RDH5: variants seen among roughly 807,000 people sequenced by gnomAD.
RDH5 encodes the protein retinol dehydrogenase 5.
RDH5 carries 25 observed loss-of-function variants against 24.0 expected under a neutral mutation model. That is an observed-to-expected ratio of 1.04 (90% confidence interval 0.76 to 1.46). The LOEUF (loss-of-function observed/expected upper bound fraction) is 1.46. Ranked by LOEUF, RDH5 falls within the 40% of genes most tolerant of loss-of-function variation. RDH5 has a pLI of 0.00. For synonymous variants in RDH5, 170 were observed against 175.2 expected (o/e 0.97, Z 0.23); for missense variants, 369 against 410.3 (o/e 0.90, Z 0.87).
rs1303963235 is a variant in RDH5 at position 55,720,513 on chromosome 12, AG to A, written c.-35del. On this transcript the variant is annotated 5_prime_UTR_variant, in exon 1 of 5. Coordinates refer to ENST00000257895, the MANE Select transcript of RDH5 (RefSeq NM_002905.5). ...TGTAGTACCTGCCAGCTTTCGCCACAGGAGGTAAGTGGATACTGGGAGCTGG... is the reference window on the plus strand; with the variant it reads ...TGTAGTACCTGCCAGCTTTCGCCACAGAGGTAAGTGGATACTGGGAGCTGG... The A allele has an allele frequency of 6.6e-6, 1 of 152,470 alleles. No individual in the cohort carries two copies. Among genetic ancestry groups the A allele is most frequent in the African/African-American group, 2.4e-5 (1 of 41,456 alleles). The allele number at this position is 152,470 out of a possible 1,614,324, so 9.4% of individuals were successfully genotyped here.
At position 55,721,429 on chromosome 12, in the gene RDH5, A is replaced by T; in HGVS notation, c.245A>T (p.Asp82Val). 1 of 1,613,568 alleles carries T rather than the reference A, an allele frequency of 6.2e-7. No homozygotes were observed. Among genetic ancestry groups the T allele is most frequent in the Non-Finnish European group, 8.5e-7 (1 of 1,179,988 alleles). The change falls in exon 2 of 5, where the codon GAT (aspartate) becomes GTT (valine). Residue 82 changes from aspartate to valine, a missense_variant. Asp to Val is a radical substitution (Grantham distance 152). Coordinates refer to ENST00000257895, the MANE Select transcript of RDH5 (RefSeq NM_002905.5). The surrounding 1 kb of genome is among the most constrained non-coding windows in gnomAD (Gnocchi z 4.7). ...TCCCGCCTCCACACCACCCTGTTGG[A>T]TATCACTGATCCCCAGAGCGTCCAG... ...ASSRLHTTLL[D>V]ITDPQSVQQA...
Position 55,723,452 on chromosome 12 carries a change from T to C in RDH5, c.570-434T>C, listed in dbSNP as rs116178445. On this transcript the variant is annotated intron_variant, in intron 3 of 4. Transcript: ENST00000257895. ...ATATCCAGCACTCAGGGCTCAACCA[T>C]GTGTTTTGGGAGCAAGGGAATGGGG... 2.7e-3 allele frequency: 689 copies of C among 253,838 alleles called. 7 individuals carry two copies. The highest frequency in any genetic ancestry group is 0.014 in the African/African-American group (624 of 43,514). 15.7% of individuals were successfully genotyped at this position (253,838 alleles called of 1,614,324 possible). A position where few individuals can be genotyped will look rare whatever the true frequency, so the allele number is the denominator to read the frequency against.
intron 3 of RDH5, chr12:55,723,653 C>G: frequency 1.8e-6 from 1 of 553,340 alleles, no homozygotes; most frequent in Non-Finnish European, 3.2e-6. Flanking sequence ...TATTAACTCT[C>G]TGGCCCTTTA....
rs543433718 is a variant in RDH5, at chr12:55,724,365, G to A, written c.777G>A (p.Pro259=). 1.2e-5 allele frequency: 19 copies of A among 1,614,174 alleles called. No homozygotes were observed. Among genetic ancestry groups the A allele is most frequent in the Admixed American group, 8.3e-5 (5 of 60,026 alleles). The change falls in exon 5 of 5, where the codon CCG becomes CCA. Residue 259 remains proline, a synonymous_variant. Coordinates refer to ENST00000257895, the MANE Select transcript of RDH5 (RefSeq NM_002905.5). ...QQRIMNLICD[P]DLTKVSRCLE... ...GCATCATGAACCTGATCTGTGACCC[G>A]GACCTAACCAAGGTGAGCCGATGCC... is the stretch of plus-strand genomic sequence containing the variant.
In RDH5 at chr12:55,724,533, A is replaced by T; in HGVS notation, c.945A>T (p.Gln315His). The T allele has an allele frequency of 1.2e-6, 2 of 1,611,574 alleles. No homozygotes were observed. Among genetic ancestry groups the T allele is most frequent in the Non-Finnish European group, 1.7e-6 (2 of 1,179,988 alleles). ...CCTGGGTCCTTCCCAAGCCTGCCCA[A>T]GCAGTCTACTGAATCCAGCCTTCCA... Reference protein sequence around the residue: ...VLTWVLPKPAQAVY With the variant: ...VLTWVLPKPAHAVY Residue 315 changes from glutamine (Q) to histidine (H), a missense_variant, in exon 5 of 5, where the codon CAA (glutamine) becomes CAT (histidine). Physicochemically the swap from Gln to His is conservative, Grantham distance 24. Coordinates refer to ENST00000257895, the MANE Select transcript of RDH5 (RefSeq NM_002905.5).
At position 55,721,240 on chromosome 12, in the gene RDH5, G is replaced by C. The variant is rs370781214; in HGVS notation, c.56G>C (p.Arg19Thr). Residue 19 changes from arginine to threonine, a missense_variant, in exon 2 of 5, where the codon AGG (arginine) becomes ACG (threonine). Coordinates refer to ENST00000257895, the MANE Select transcript of RDH5 (RefSeq NM_002905.5). This position sits in a 1 kb window ranked among gnomAD's most constrained non-coding sequence, Gnocchi z 4.7. The stretch of plus-strand genomic sequence containing the variant: ...CTCTGGGCAGTGCTGTGGTTGCTCA[G>C]GGACCGGCAGAGCCTGCCCGCCAGC... ...ALLWAVLWLL[R>T]DRQSLPASNA... is the part of the protein sequence containing the mutation. 1 of 1,613,918 alleles carries C rather than the reference G, an allele frequency of 6.2e-7. No homozygotes were observed. Among genetic ancestry groups the C allele is most frequent in the South Asian group, 1.1e-5 (1 of 91,092 alleles).
At chr12:55,724,120 C>G (rs1877078539) in intron 4 of RDH5, 71 bp downstream of exon 4, 6 of 1,557,470 alleles carry the variant, frequency 3.9e-6, no homozygotes, top group Non-Finnish European at 5.2e-6. Context: ...CTGCATAAGC[C>G]TGCTAGGAGG....
chr12:55,721,899 G>A lies in RDH5; in HGVS notation c.521G>A (p.Gly174Asp). The A allele has an allele frequency of 6.2e-7, 1 of 1,613,622 alleles. No homozygotes were observed. Among genetic ancestry groups the A allele is most frequent in the Non-Finnish European group, 8.5e-7 (1 of 1,179,826 alleles). The change falls in exon 3 of 5, where the codon GGC (glycine) becomes GAC (aspartate). Residue 174 changes from glycine to aspartate, a missense_variant. By Grantham distance (94) the Gly-to-Asp change is moderately conservative. Transcript: ENST00000257895. The surrounding 1 kb of genome is among the most constrained non-coding windows in gnomAD (Gnocchi z 4.7). ...VLGRLAANGGGYCVSKFGLEA... is the reference protein window; with the variant it reads ...VLGRLAANGGDYCVSKFGLEA... ...GGTCGCCTGGCAGCCAATGGTGGGG[G>A]CTACTGTGTCTCCAAATTTGGCCTG...
chr12:55,724,366 G>A lies in RDH5; in HGVS notation c.778G>A (p.Asp260Asn), dbSNP rs1877095781. 14 of 1,614,200 alleles carry A rather than the reference G, an allele frequency of 8.7e-6. No individual in the cohort carries two copies. The highest frequency in any genetic ancestry group is 1.1e-5 in the Non-Finnish European group (13 of 1,180,042). Reference protein sequence around the residue: ...QRIMNLICDPDLTKVSRCLEH... With the variant: ...QRIMNLICDPNLTKVSRCLEH... Reference sequence around the variant, plus strand: ...CATCATGAACCTGATCTGTGACCCGGACCTAACCAAGGTGAGCCGATGCCT... The same window carrying A: ...CATCATGAACCTGATCTGTGACCCGAACCTAACCAAGGTGAGCCGATGCCT... Residue 260 changes from aspartate (D) to asparagine (N), a missense_variant, in exon 5 of 5, where the codon GAC (aspartate) becomes AAC (asparagine). Asp to Asn is a conservative substitution (Grantham distance 23). Coordinates refer to ENST00000257895, the MANE Select transcript of RDH5 (RefSeq NM_002905.5).
Position 55,724,682 on chromosome 12 carries a change from T to C in RDH5, c.*137T>C. On this transcript the variant is annotated 3_prime_UTR_variant, in exon 5 of 5. Transcript: ENST00000257895. Reference sequence around the variant, plus strand: ...TATTGTTTAAAAAATAAAAAGAAGGTGGGCAGAAATGTGCCCAGTGGAAGG... The same window carrying C: ...TATTGTTTAAAAAATAAAAAGAAGGCGGGCAGAAATGTGCCCAGTGGAAGG... The C allele has an allele frequency of 1.1e-6, 1 of 878,082 alleles. No homozygotes were observed. 54.4% of individuals were successfully genotyped at this position (878,082 alleles called of 1,614,324 possible). A position where few individuals can be genotyped will look rare whatever the true frequency, so the allele number is the denominator to read the frequency against.
At chr12:55,720,605 G>C (rs1489522049) in intron 1 of RDH5, 88 bp downstream of exon 1, 1 of 152,956 alleles carries the variant, frequency 6.5e-6, no homozygotes, top group Non-Finnish European at 1.5e-5. Context: ...CTTTTAACAT[G>C]CTTCCTCACA....
rs749836133 is a variant in RDH5 at position 55,724,353 on chromosome 12, G to T, written c.765G>T (p.Leu255=). The change falls in exon 5 of 5, where the codon CTG becomes CTT. Residue 255 remains leucine (L), a synonymous_variant. Coordinates refer to ENST00000257895, the MANE Select transcript of RDH5 (RefSeq NM_002905.5). ...YLKMQQRIMN[L]ICDPDLTKVS... ...AAATGCAACAGCGCATCATGAACCT[G>T]ATCTGTGACCCGGACCTAACCAAGG... The T allele has an allele frequency of 1.2e-6, 2 of 1,614,074 alleles. No homozygotes were observed. The highest frequency in any genetic ancestry group is 2.7e-5 in the African/African-American group (2 of 74,904).
chr12:55,721,128 G>A lies in RDH5; in HGVS notation c.-32-25G>A, dbSNP rs991182217. ...AAGGGCTTGAGGGCCACAGTAAACT[G>A]GACAAGTTTTTCTGCCCAGCCTAGG... is the stretch of plus-strand genomic sequence containing the variant. On this transcript the variant is annotated intron_variant, in intron 1 of 4. Coordinates refer to ENST00000257895, the MANE Select transcript of RDH5 (RefSeq NM_002905.5). The surrounding 1 kb of genome is among the most constrained non-coding windows in gnomAD (Gnocchi z 4.7). 6.5e-7 allele frequency: 1 copy of A among 1,539,040 alleles called. No homozygotes were observed. Among genetic ancestry groups the A allele is most frequent in the South Asian group, 1.1e-5 (1 of 89,438 alleles).
chr12:55,722,014 AG>A (rs1340590929), intron 3 of RDH5, 67 bp downstream of exon 3: 4 of 1,543,312 alleles, frequency 2.6e-6, no homozygotes, highest in Non-Finnish European at 3.5e-6. Flanking sequence ...GGGCCAGCAG[AG>A]GTGGTTAAGA....
chr12:55,722,209 G>A, intron 3 of RDH5: 1 of 415,494 alleles, frequency 2.4e-6, no homozygotes, highest in South Asian at 3.0e-5. Context: ...GAGTGCAGTG[G>A]CGCGATCTTG....
At chr12:55,723,564 T>A (rs1877025857) in intron 3 of RDH5, 1 of 328,762 alleles carries the variant, frequency 3.0e-6, no homozygotes, top group Non-Finnish European at 5.8e-6. Flanking sequence ...TTTTTATTTT[T>A]AAATGGTTAC....
At chr12:55,722,242 G>A (rs187056241) in intron 3 of RDH5, 9 of 320,024 alleles carry the variant, frequency 2.8e-5, no homozygotes, top group East Asian at 2.7e-4. Context: ...TTCCACCCCC[G>A]GGGTTCAAGC....
chr12:55,724,026 A>AT lies in RDH5; in HGVS notation c.711dup (p.Gly238TrpfsTer21), dbSNP rs2136142315. The stretch of plus-strand genomic sequence containing the variant: ...CTGCCTCCTGCCACACAGGCCCACT[A>AT]TGGGGGGGCCTTCCTCACCAAGTGT... On this transcript the variant is annotated frameshift_variant, in exon 4 of 5. Coordinates refer to ENST00000257895, the MANE Select transcript of RDH5 (RefSeq NM_002905.5). LOFTEE classifies it high-confidence loss of function. The AT allele has an allele frequency of 6.2e-7, 1 of 1,611,928 alleles. No homozygotes were observed. The highest frequency in any genetic ancestry group is 8.5e-7 in the Non-Finnish European group (1 of 1,179,904).
rs1398830078 is a variant in RDH5, at chr12:55,721,814, G to T, written c.436G>T (p.Ala146Ser). 3 of 1,614,076 alleles carry T rather than the reference G, an allele frequency of 1.9e-6. No individual in the cohort carries two copies. The highest frequency in any genetic ancestry group is 3.3e-5 in the Admixed American group (2 of 60,024). Residue 146 changes from alanine (A) to serine (S), a missense_variant, in exon 3 of 5, where the codon GCC (alanine) becomes TCC (serine). Coordinates refer to ENST00000257895, the MANE Select transcript of RDH5 (RefSeq NM_002905.5). The surrounding 1 kb of genome is among the most constrained non-coding windows in gnomAD (Gnocchi z 4.7). The stretch of plus-strand genomic sequence containing the variant: ...AATGGGTCCCATCGGGGTCACCCTT[G>T]CCCTGCTGCCTCTGCTGCAGCAAGC... The part of the protein sequence containing the change: ...NTMGPIGVTL[A>S]LLPLLQQARG...
Sources: allele counts gnomAD v4.1 joint callset, GRCh38; gene constraint gnomAD v4.1.1; non-coding constraint Gnocchi (gnomAD v3.1); transcripts MANE v1.5; gene names NCBI Gene and HGNC (gene_info 2026-07-23, HGNC 2026-07-21).